Variants in SNX30 observed in about 807,000 individuals in gnomAD.
The protein encoded by SNX30 is sorting nexin-30.
Under a neutral mutation model 46.4 loss-of-function variants are expected in SNX30, and 24 were observed. That is an observed-to-expected ratio of 0.52 (90% CI 0.37 to 0.73). SNX30 has a LOEUF of 0.73. SNX30 is among the 30% of genes least tolerant of loss of function. SNX30 has a pLI of 0.00. For missense variants in SNX30, 533 were observed against 555.7 expected, an observed-to-expected ratio of 0.96 and a Z score of 0.41; for synonymous variants, 189 against 211.5, an observed-to-expected ratio of 0.89 and a Z score of 0.92.
chr9:112,788,558 A>G lies in SNX30; in HGVS notation c.157-16218A>G, dbSNP rs1346418068. On this transcript the variant is annotated intron_variant, in intron 1 of 8. Coordinates refer to ENST00000374232, the MANE Select transcript of SNX30 (RefSeq NM_001012994.2). ...CTGGATTGTGGTGTAGCACAGCCCT[A>G]CCTGGGCTCCTCACACACCACTCGA... Among the ~76,000 whole-genome samples the G allele has an allele frequency of 2.6e-5, 4 of 151,778 alleles. No homozygotes were observed. The East Asian group carries it at 5.8e-4, about 22-fold the overall frequency.
At chr9:112,882,369 A>G (rs1336816682), downstream of SNX30, among the ~76,000 whole-genome samples, 1 of 152,182 alleles carries the variant, frequency 6.6e-6, no homozygotes, top group Non-Finnish European at 1.5e-5. Flanking sequence ...AGCCTCCCAA[A>G]GTGCTGGGAT....
rs1840315024 is a variant in SNX30, at chr9:112,811,283, G to T, written c.348+6316G>T. 2.6e-5 allele frequency among the ~76,000 whole-genome samples: 4 copies of T among 152,196 alleles called. No homozygotes were observed. In the South Asian group the frequency reaches 6.2e-4, roughly 24 times the overall value. On this transcript the variant is annotated intron_variant, in intron 2 of 8. Coordinates refer to ENST00000374232, the MANE Select transcript of SNX30 (RefSeq NM_001012994.2). ...GAGATCCCTTTGTTGGGAGATGGGG[G>T]TTGCCTAGAATTCTTAAGACCCAGC...
chr9:112,758,020 T>C (rs1839378231), intron 1 of SNX30, among the ~76,000 whole-genome samples: 1 of 152,128 alleles, frequency 6.6e-6, no homozygotes, highest in Non-Finnish European at 1.5e-5. Flanking sequence ...CTGCTCCTCA[T>C]ACCCTCTACC....
At chr9:112,751,808 GGAAA>G (rs1481439316) in intron 1 of SNX30, among the ~76,000 whole-genome samples, 1 of 152,138 alleles carries the variant, frequency 6.6e-6, no homozygotes, top group Admixed American at 6.5e-5. Flanking sequence ...TGTGGTTGAT[GGAAA>G]GAAAGCTCGC....
Position 112,838,952 on chromosome 9 carries a change from A to G in SNX30, c.1014+255A>G, listed in dbSNP as rs140334222. ...GAGAGTTCAAGAAGATATAATGCCT[A>G]TGAAATAAGAACAAAGATGCCATGG... On this transcript the variant is annotated intron_variant, in intron 6 of 8. Coordinates refer to ENST00000374232, the MANE Select transcript of SNX30 (RefSeq NM_001012994.2). Among the ~76,000 whole-genome samples, 112 of 152,332 alleles carry G rather than the reference A, an allele frequency of 7.4e-4. 1 individual carries two copies. Among genetic ancestry groups the G allele is most frequent in the African/African-American group, 2.6e-3 (107 of 41,572 alleles).
At chr9:112,760,872 G>A (rs111776433) in intron 1 of SNX30, among the ~76,000 whole-genome samples, 4,865 of 152,216 alleles carry the variant, frequency 0.032, 254 homozygotes, top group African/African-American at 0.11. Flanking sequence ...AGCTGAGGTC[G>A]CAGAGGTTGT....
intron 7 of SNX30, among the ~76,000 whole-genome samples, chr9:112,857,081 G>C (rs530723293): frequency 6.6e-6 from 1 of 152,316 alleles, no homozygotes; most frequent in Non-Finnish European, 1.5e-5. Flanking sequence ...CCCTGAGGGG[G>C]CGCCCTGCCT....
downstream of SNX30, among the ~76,000 whole-genome samples, chr9:112,883,651 C>T (rs1841609979): frequency 6.7e-6 from 1 of 149,212 alleles, no homozygotes; most frequent in African/African-American, 2.5e-5. Context: ...CAGGGAGATT[C>T]TGTTGGGATA....
At chr9:112,860,943 C>T (rs752418784) in intron 7 of SNX30, among the ~76,000 whole-genome samples, 3 of 152,194 alleles carry the variant, frequency 2.0e-5, no homozygotes, top group Non-Finnish European at 4.4e-5. Context: ...CAATGACTCT[C>T]TGGAACCAGT....
chr9:112,781,377 C>G (rs956229975), intron 1 of SNX30, among the ~76,000 whole-genome samples: 1 of 152,060 alleles, frequency 6.6e-6, no homozygotes, highest in Non-Finnish European at 1.5e-5. Flanking sequence ...ATCCTTTCCC[C>G]AGTTTGTTAT....
At chr9:112,831,686 T>C (rs1225972685) in intron 4 of SNX30, among the ~76,000 whole-genome samples, 1 of 152,260 alleles carries the variant, frequency 6.6e-6, no homozygotes, top group Non-Finnish European at 1.5e-5. Flanking sequence ...ACCATGTTCC[T>C]GTCAGGTGGA....
At chr9:112,772,044 A>T (rs1466108597) in intron 1 of SNX30, among the ~76,000 whole-genome samples, 1 of 152,134 alleles carries the variant, frequency 6.6e-6, no homozygotes. Context: ...ACCCCATTTC[A>T]TGCCCTTGCC....
At chr9:112,816,984 A>G (rs1171007411) in intron 2 of SNX30, among the ~76,000 whole-genome samples, 1 of 152,226 alleles carries the variant, frequency 6.6e-6, no homozygotes, top group Admixed American at 6.5e-5. Context: ...AAAATTGAGA[A>G]AAAGGGATGA....
chr9:112,787,660 C>T (rs943506813), intron 1 of SNX30, among the ~76,000 whole-genome samples: 13 of 151,754 alleles, frequency 8.6e-5, no homozygotes, highest in Admixed American at 6.6e-4. Flanking sequence ...ATCTAAGCTC[C>T]CAAAGAAGAT....
In SNX30 at chr9:112,838,664, C is replaced by T. The variant is rs932232291; in HGVS notation, c.981C>T (p.Leu327=). The T allele has an allele frequency of 6.2e-7, 1 of 1,614,092 alleles. No homozygotes were observed. The highest frequency in any genetic ancestry group is 1.3e-5 in the African/African-American group (1 of 75,032). The change falls in exon 6 of 9, where the codon CTC becomes CTT. Residue 327 remains leucine (L), a synonymous_variant. Transcript: ENST00000374232. The part of the protein sequence containing the change: ...DDMTEDFLPV[L]REYILYSDSM... ...TGACAGAAGACTTCCTACCTGTGCTCAGGGAATATATTTTATACTCTGACT... is the reference window on the plus strand; with the variant it reads ...TGACAGAAGACTTCCTACCTGTGCTTAGGGAATATATTTTATACTCTGACT...
intron 1 of SNX30, among the ~76,000 whole-genome samples, chr9:112,770,923 G>T (rs1839638174): frequency 6.6e-6 from 1 of 152,194 alleles, no homozygotes; most frequent in South Asian, 2.1e-4. Context: ...TTGAACCCAG[G>T]AGGCAGAAGT....
intron 1 of SNX30, among the ~76,000 whole-genome samples, chr9:112,804,450 C>G (rs938468635): frequency 6.6e-6 from 1 of 152,236 alleles, no homozygotes; most frequent in Non-Finnish European, 1.5e-5. Context: ...CAGGCGTGAG[C>G]CACTGCGCCC....
At chr9:112,877,600 C>T (rs1302632247), downstream of SNX30, 1 of 152,342 alleles carries the variant, frequency 6.6e-6, no homozygotes, top group Non-Finnish European at 1.5e-5. Context: ...ATCTACCTCA[C>T]CCTCTACCAT....
chr9:112,839,312 T>C (rs1418521759), intron 6 of SNX30, among the ~76,000 whole-genome samples: 3 of 152,044 alleles, frequency 2.0e-5, no homozygotes, highest in African/African-American at 7.2e-5. Context: ...AGCAAAAGGA[T>C]TGAAAAGATC....
Sources: gnomAD v4.1 joint callset for allele counts (sites outside exome capture counted in the v4.1 genomes callset) on GRCh38, gnomAD v4.1.1 for gene constraint, MANE v1.5 for transcripts, NCBI Gene and HGNC (gene_info 2026-07-23, HGNC 2026-07-21) for gene names.